MALRD1: variants seen among roughly 807,000 people sequenced by gnomAD.
MALRD1 encodes the protein MAM and LDL-receptor class A domain-containing protein 1.
In MALRD1, 247 loss-of-function variants were observed where a neutral mutation model predicts 242.1. The ratio of observed to expected loss-of-function variants is 1.02; its 90% CI spans 0.92 to 1.13. The LOEUF is 1.13. Ranked by LOEUF, MALRD1 falls within the 50% of genes most tolerant of loss-of-function variation. The pLI, the probability that MALRD1 is intolerant of heterozygous loss-of-function variation, is 0.00. For missense variants in MALRD1, 2,989 were observed against 2,533.1 expected (o/e 1.18, Z -3.86); for synonymous variants, 995 against 866.6 (o/e 1.15, Z -2.60).
Position 19,131,580 on chromosome 10 carries a change from A to G in MALRD1, c.1111-2276A>G, listed in dbSNP as rs553169608. Among the ~76,000 whole-genome samples, 43 of 152,262 alleles carry G rather than the reference A, an allele frequency of 2.8e-4. 1 individual carries two copies. In the South Asian group the frequency reaches 8.5e-3, roughly 30 times the overall value. On this transcript the variant is annotated intron_variant, in intron 8 of 39. Coordinates refer to ENST00000454679, the MANE Select transcript of MALRD1 (RefSeq NM_001142308.3). ...TTACATGTAATTTTTCTTTACAACCAAATTTACTTGTAATTCTTTACCAAA... is the reference window on the plus strand; with the variant it reads ...TTACATGTAATTTTTCTTTACAACCGAATTTACTTGTAATTCTTTACCAAA...
At chr10:19,151,219 G>A (rs1833934383) in intron 11 of MALRD1, among the ~76,000 whole-genome samples, 1 of 151,542 alleles carries the variant, frequency 6.6e-6, no homozygotes, top group African/African-American at 2.4e-5. Flanking sequence ...AATTTATTTG[G>A]GTTCTTTAAT....
At chr10:19,155,750 T>C (rs1255607131) in intron 12 of MALRD1, among the ~76,000 whole-genome samples, 1 of 152,192 alleles carries the variant, frequency 6.6e-6, no homozygotes, top group Non-Finnish European at 1.5e-5. Context: ...ACATACATGA[T>C]TGTATGCATT....
intron 24 of MALRD1, among the ~76,000 whole-genome samples, chr10:19,343,498 C>A (rs932101961): frequency 3.3e-5 from 5 of 152,138 alleles, no homozygotes; most frequent in Non-Finnish European, 7.4e-5. Context: ...TAGTCAAACT[C>A]ATTCCCATCA....
chr10:19,447,987 T>A, intron 28 of MALRD1, among the ~76,000 whole-genome samples: 1 of 152,160 alleles, frequency 6.6e-6, no homozygotes, highest in Non-Finnish European at 1.5e-5. Context: ...AACTGTTAGT[T>A]GTTTTGCAAA....
chr10:19,570,341 G>T (rs138950253), intron 33 of MALRD1, among the ~76,000 whole-genome samples: 1 of 152,000 alleles, frequency 6.6e-6, no homozygotes, highest in Admixed American at 6.6e-5. Context: ...ATGCAATACC[G>T]TGAAATAAAT....
At chr10:19,552,609 A>G (rs1041714792) in intron 32 of MALRD1, among the ~76,000 whole-genome samples, 9 of 151,972 alleles carry the variant, frequency 5.9e-5, no homozygotes, top group Admixed American at 2.0e-4. Flanking sequence ...GAACACTACT[A>G]TCTCTCACAA....
At chr10:19,502,639 A>G (rs925871016) in intron 31 of MALRD1, among the ~76,000 whole-genome samples, 106 of 152,296 alleles carry the variant, frequency 7.0e-4, no homozygotes, top group Middle Eastern at 3.4e-3. Context: ...AATATGAGAA[A>G]CAAGCCAATT....
intron 1 of MALRD1, among the ~76,000 whole-genome samples, chr10:19,063,470 G>A (rs1031839922): frequency 4.6e-5 from 7 of 152,018 alleles, no homozygotes; most frequent in Admixed American, 1.3e-4. Flanking sequence ...CAATGAAAAC[G>A]TATCCTACTC....
In MALRD1 at chr10:19,318,396, G is replaced by C. The variant is rs545960988; in HGVS notation, c.3420-5553G>C. On this transcript the variant is annotated intron_variant, in intron 21 of 39. Coordinates refer to ENST00000454679, the MANE Select transcript of MALRD1 (RefSeq NM_001142308.3). ...TTTCTTTTCCCTGCAGGTGAAAGGG[G>C]TATTTCAGAGATATATAATATTAGA... 1.4e-4 allele frequency among the ~76,000 whole-genome samples: 21 copies of C among 151,570 alleles called. No individual in the cohort carries two copies. The South Asian group carries it at 3.7e-3, about 27-fold the overall frequency.
At chr10:19,111,637 G>A (rs149038296) in intron 5 of MALRD1, among the ~76,000 whole-genome samples, 1 of 152,196 alleles carries the variant, frequency 6.6e-6, no homozygotes, top group Non-Finnish European at 1.5e-5. Flanking sequence ...GGATTTAGAT[G>A]AACTGCAACC....
rs1838021733 is a variant in MALRD1, at chr10:19,595,237, T to C, written c.5724T>C (p.Phe1908=). The C allele has an allele frequency of 6.5e-7, 1 of 1,550,278 alleles. No homozygotes were observed. The highest frequency in any genetic ancestry group is 1.4e-5 in the African/African-American group (1 of 72,984). The change falls in exon 34 of 40, where the codon TTT becomes TTC. Residue 1908 remains phenylalanine (F), a synonymous_variant. Coordinates refer to ENST00000454679, the MANE Select transcript of MALRD1 (RefSeq NM_001142308.3). ...CATCACCCTGTGAAGCTGATCAGTT[T>C]TCTTGTATCTACACACTCCAATGTG... ...VQPSPCEADQ[F]SCIYTLQCVP...
At chr10:19,648,374 C>G (rs537186944) in intron 36 of MALRD1, among the ~76,000 whole-genome samples, 8 of 152,110 alleles carry the variant, frequency 5.3e-5, no homozygotes, top group Non-Finnish European at 1.0e-4. Flanking sequence ...ACAACAAAGA[C>G]TAAAATCAAA....
chr10:19,493,961 A>G (rs996510207), intron 30 of MALRD1, among the ~76,000 whole-genome samples: 1 of 152,212 alleles, frequency 6.6e-6, no homozygotes, highest in Non-Finnish European at 1.5e-5. Flanking sequence ...GTCACCCACG[A>G]CACAGTAAAA....
intron 22 of MALRD1, among the ~76,000 whole-genome samples, chr10:19,327,357 T>C (rs1843175265): frequency 1.3e-5 from 2 of 152,046 alleles, no homozygotes. Context: ...CATGCACATC[T>C]TTATTGTAGA....
chr10:19,561,286 A>T (rs1835951180), intron 32 of MALRD1, among the ~76,000 whole-genome samples: 1 of 152,138 alleles, frequency 6.6e-6, no homozygotes, highest in South Asian at 2.1e-4. Flanking sequence ...GCTTGAGAAG[A>T]GTGTGTATTC....
intron 8 of MALRD1, among the ~76,000 whole-genome samples, chr10:19,132,325 T>C (rs1833140557): frequency 6.6e-6 from 1 of 152,190 alleles, no homozygotes; most frequent in Non-Finnish European, 1.5e-5. Flanking sequence ...TCTCAACTTT[T>C]TATAACTCCA....
chr10:19,053,028 G>A (rs150188975), intron 1 of MALRD1, among the ~76,000 whole-genome samples: 1,775 of 152,226 alleles, frequency 0.012, 14 homozygotes, highest in Non-Finnish European at 0.018. Flanking sequence ...TTCTGGGACC[G>A]TACTTACTCA....
intron 28 of MALRD1, among the ~76,000 whole-genome samples, chr10:19,436,409 A>G (rs1021901425): frequency 6.6e-6 from 1 of 152,156 alleles, no homozygotes. Context: ...CTTCTCCATT[A>G]GCTTAACTGT....
At chr10:19,685,809 A>G (rs1378726137) in intron 36 of MALRD1, among the ~76,000 whole-genome samples, 1 of 152,146 alleles carries the variant, frequency 6.6e-6, no homozygotes, top group Non-Finnish European at 1.5e-5. Flanking sequence ...ATCCATTGAA[A>G]TGTACCCTTT....
Sources: allele counts gnomAD v4.1 joint callset (sites outside exome capture counted in the v4.1 genomes callset), GRCh38; gene constraint gnomAD v4.1.1; transcripts MANE v1.5; gene names NCBI Gene and HGNC (gene_info 2026-07-23, HGNC 2026-07-21).